Variants in AHCYL2 observed in about 807,000 individuals in gnomAD.
The protein encoded by AHCYL2 is S-adenosylhomocysteine hydrolase-like protein 2.
In AHCYL2, 28 loss-of-function variants were observed where a neutral mutation model predicts 81.4. The observed-to-expected ratio is 0.34, with a 90% confidence interval of 0.25 to 0.47. The LOEUF (loss-of-function observed/expected upper bound fraction) is 0.47. AHCYL2 is among the 20% of genes least tolerant of loss of function. The pLI is 1.00. For synonymous variants in AHCYL2, 272 were observed against 290.2 expected (o/e 0.94, Z 0.64); for missense variants, 551 against 785.1 (o/e 0.70, Z 3.56).
chr7:129,275,612 G>T (rs2566884), intron 1 of AHCYL2, among the ~76,000 whole-genome samples: 1 of 151,850 alleles, frequency 6.6e-6, no homozygotes, highest in Non-Finnish European at 1.5e-5. Flanking sequence ...CATTATTTGC[G>T]TTAAAAATTA....
chr7:129,395,769 A>G (rs1223052426), intron 4 of AHCYL2, among the ~76,000 whole-genome samples: 2 of 152,190 alleles, frequency 1.3e-5, no homozygotes, highest in Non-Finnish European at 2.9e-5. Flanking sequence ...CACTGGGTGG[A>G]AGCCTCTGGA....
chr7:129,323,533 T>C (rs1798111771), intron 1 of AHCYL2, among the ~76,000 whole-genome samples: 1 of 152,220 alleles, frequency 6.6e-6, no homozygotes, highest in Non-Finnish European at 1.5e-5. Context: ...TTTTCTGCTC[T>C]TGTTGGGTTG....
chr7:129,386,687 T>A (rs916327440), intron 2 of AHCYL2, among the ~76,000 whole-genome samples: 1 of 152,144 alleles, frequency 6.6e-6, no homozygotes, highest in African/African-American at 2.4e-5. Flanking sequence ...TTTCAAATTT[T>A]GTTTTGCTTT....
At chr7:129,386,217 C>T (rs1304506279) in intron 2 of AHCYL2, among the ~76,000 whole-genome samples, 1 of 152,066 alleles carries the variant, frequency 6.6e-6, no homozygotes, top group Admixed American at 6.6e-5. Flanking sequence ...AATCCCAGCA[C>T]TTTGGGAGGT....
chr7:129,376,031 C>A, intron 1 of AHCYL2: 1 of 1,405,740 alleles, frequency 7.1e-7, no homozygotes. Context: ...TTTCATCCCT[C>A]CCTCTGGCAT....
rs865924323 is a variant in AHCYL2 at position 129,368,338 on chromosome 7, C to T, written c.364-11300C>T. The T allele has an allele frequency of 1.2e-5, 17 of 1,458,670 alleles. No homozygotes were observed. The highest frequency in any genetic ancestry group is 5.0e-4 in the Middle Eastern group (2 of 3,980). 90.4% of individuals were successfully genotyped at this position (1,458,670 alleles called of 1,614,324 possible). On this transcript the variant is annotated intron_variant, in intron 1 of 16. Coordinates refer to ENST00000325006, the MANE Select transcript of AHCYL2 (RefSeq NM_015328.4). The surrounding 1 kb of genome is among the most constrained non-coding windows in gnomAD (Gnocchi z 4.4). ...GTTGACTAATGCTCTTGATTTGAAT[C>T]GGAGGCTGCTGTGAAAAGGGATGCA...
chr7:129,308,088 C>T (rs1164690801), intron 1 of AHCYL2, among the ~76,000 whole-genome samples: 2 of 151,998 alleles, frequency 1.3e-5, no homozygotes, highest in African/African-American at 4.8e-5. Context: ...CTCCCTTAGC[C>T]ACCCTGGCTG....
intron 1 of AHCYL2, among the ~76,000 whole-genome samples, chr7:129,307,819 C>T (rs1005620868): frequency 6.6e-6 from 1 of 151,792 alleles, no homozygotes; most frequent in Non-Finnish European, 1.5e-5. Flanking sequence ...GTTTAGTCAG[C>T]AGGTGATGAA....
At chr7:129,281,154 C>T (rs1329143065) in intron 1 of AHCYL2, among the ~76,000 whole-genome samples, 1 of 152,134 alleles carries the variant, frequency 6.6e-6, no homozygotes, top group Non-Finnish European at 1.5e-5. Flanking sequence ...TGAGCCACCA[C>T]ACCCGGCCCA....
At chr7:129,299,551 G>A (rs539945272) in intron 1 of AHCYL2, among the ~76,000 whole-genome samples, 3 of 151,658 alleles carry the variant, frequency 2.0e-5, no homozygotes, top group African/African-American at 7.2e-5. Flanking sequence ...CCGCCACCAC[G>A]CCGTGCTAAT....
At chr7:129,378,006 T>G (rs1193747043) in intron 1 of AHCYL2, among the ~76,000 whole-genome samples, 1 of 152,146 alleles carries the variant, frequency 6.6e-6, no homozygotes, top group Non-Finnish European at 1.5e-5. Flanking sequence ...ATCAAATATT[T>G]AAAAATAAAT....
intron 1 of AHCYL2, among the ~76,000 whole-genome samples, chr7:129,290,845 G>A (rs1361788646): frequency 2.0e-5 from 3 of 151,270 alleles, no homozygotes; most frequent in African/African-American, 7.3e-5. Flanking sequence ...CAGGAGAATC[G>A]CTTGAACCCG....
chr7:129,422,841 C>G lies in AHCYL2; in HGVS notation c.1463C>G (p.Ala488Gly). The change falls in exon 13 of 17, where the codon GCG becomes GGG. Residue 488 changes from alanine to glycine, a missense_variant and splice_region_variant. By Grantham distance (60) the Ala-to-Gly change is moderately conservative. This residue lies in a region of AHCYL2 where 316 missense variants were observed against 543.1 expected (regional missense o/e 0.58). Coordinates refer to ENST00000325006, the MANE Select transcript of AHCYL2 (RefSeq NM_015328.4). Reference sequence around the variant, plus strand: ...CTGTACTTGCTGTATGTGTTCCAGGCGAGTCTGCGGACACCAGAACTGACC... The same window carrying G: ...CTGTACTTGCTGTATGTGTTCCAGGGGAGTCTGCGGACACCAGAACTGACC... ...MGHSNTEIDV[A>G]SLRTPELTWE... is the part of the protein sequence containing the mutation. 1 of 1,613,724 alleles carries G rather than the reference C, an allele frequency of 6.2e-7. No individual in the cohort carries two copies. The highest frequency in any genetic ancestry group is 8.5e-7 in the Non-Finnish European group (1 of 1,179,750).
chr7:129,406,510 C>T lies in AHCYL2; in HGVS notation c.1295+44C>T, dbSNP rs751657538. The T allele has an allele frequency of 7.6e-6, 12 of 1,585,534 alleles. No individual in the cohort carries two copies. In the African/African-American group the frequency reaches 1.6e-4, roughly 21 times the overall value. On this transcript the variant is annotated intron_variant, in intron 10 of 16. Coordinates refer to ENST00000325006, the MANE Select transcript of AHCYL2 (RefSeq NM_015328.4). This position sits in a 1 kb window ranked among gnomAD's most constrained non-coding sequence, Gnocchi z 4.3. ...ATCTCACTTGCAATCTCGGAGCTGTCTCCAAAGAATGGCCTGGTTGATGCC... is the reference window on the plus strand; with the variant it reads ...ATCTCACTTGCAATCTCGGAGCTGTTTCCAAAGAATGGCCTGGTTGATGCC...
intron 1 of AHCYL2, among the ~76,000 whole-genome samples, chr7:129,289,453 T>G (rs1393869755): frequency 6.6e-6 from 1 of 152,236 alleles, no homozygotes; most frequent in East Asian, 1.9e-4. Flanking sequence ...ATTAAATCAT[T>G]AAGAGCTATA....
chr7:129,327,575 T>G (rs1264428446), intron 1 of AHCYL2, among the ~76,000 whole-genome samples: 1 of 151,754 alleles, frequency 6.6e-6, no homozygotes, highest in Non-Finnish European at 1.5e-5. Context: ...CAAGCAATTC[T>G]CTGCCTCAGC....
intron 1 of AHCYL2, among the ~76,000 whole-genome samples, chr7:129,258,742 G>A (rs942495814): frequency 2.6e-5 from 4 of 152,050 alleles, no homozygotes; most frequent in Non-Finnish European, 2.9e-5. Flanking sequence ...ATGAACTTTT[G>A]AGTAGCCTGA....
chr7:129,403,860 C>CAA lies in AHCYL2; in HGVS notation c.1025+405_1025+406dup, dbSNP rs34806455. Among the ~76,000 whole-genome samples, 534 of 80,110 alleles carry CAA rather than the reference C, an allele frequency of 6.7e-3. 25 individuals carry two copies. Among genetic ancestry groups the CAA allele is most frequent in the African/African-American group, 8.3e-3 (206 of 24,916 alleles). 52.6% of individuals were successfully genotyped at this position (80,110 alleles called of 152,430 possible). On this transcript the variant is annotated intron_variant, in intron 7 of 16. Coordinates refer to ENST00000325006, the MANE Select transcript of AHCYL2 (RefSeq NM_015328.4). ...TGGGTGACAGAGCGAGACTCCATCT[C>CAA]AAAAAAAAAAAAAAAAAAAAAAAAA...
intron 11 of AHCYL2, 30 bp downstream of exon 11, chr7:129,409,576 C>A (rs768074314): frequency 6.4e-7 from 1 of 1,558,498 alleles, no homozygotes; most frequent in East Asian, 2.3e-5. Context: ...AATGGGGTGG[C>A]ACTTGGGAAT....
Sources: allele counts gnomAD v4.1 joint callset (sites outside exome capture counted in the v4.1 genomes callset), GRCh38; gene constraint gnomAD v4.1.1; regional missense constraint gnomAD v4.1.1; non-coding constraint Gnocchi (gnomAD v3.1); transcripts MANE v1.5; gene names NCBI Gene and HGNC (gene_info 2026-07-23, HGNC 2026-07-21).